PICALM: variants seen among roughly 807,000 people sequenced by gnomAD.
PICALM encodes the protein phosphatidylinositol-binding clathrin assembly protein.
A neutral mutation model predicts 80.5 loss-of-function variants in PICALM; 40 were observed. The observed-to-expected ratio is 0.50, with a 90% CI of 0.39 to 0.65. The LOEUF (loss-of-function observed/expected upper bound fraction) is 0.65, where lower values mean the gene tolerates loss of function less well. Ranked by LOEUF, PICALM falls within the 30% of genes least tolerant of loss-of-function variation. PICALM has a pLI of 0.00. For synonymous variants in PICALM, 288 were observed against 260.3 expected (o/e 1.11, Z -1.02); for missense variants, 676 against 778.9 (o/e 0.87, Z 1.57).
chr11:86,038,553 C>G (rs1237328446), intron 1 of PICALM, among the ~76,000 whole-genome samples: 1 of 151,346 alleles, frequency 6.6e-6, no homozygotes, highest in Non-Finnish European at 1.5e-5. Context: ...GAGACCGAGG[C>G]GGGTGGATCA....
chr11:85,968,481 G>A (rs1041663674), intron 19 of PICALM, among the ~76,000 whole-genome samples: 1 of 152,064 alleles, frequency 6.6e-6, no homozygotes, highest in African/African-American at 2.4e-5. Flanking sequence ...CACCCCCAAA[G>A]AGCTTCAAAA....
chr11:86,043,870 T>TA (rs1462617522), intron 1 of PICALM, among the ~76,000 whole-genome samples: 1 of 152,214 alleles, frequency 6.6e-6, no homozygotes, highest in African/African-American at 2.4e-5. Flanking sequence ...TCACAGGGAA[T>TA]AATGGATTGC....
At chr11:86,025,050 A>G (rs1340606252) in intron 3 of PICALM, among the ~76,000 whole-genome samples, 1 of 152,246 alleles carries the variant, frequency 6.6e-6, no homozygotes, top group Non-Finnish European at 1.5e-5. Context: ...AACAGATCCC[A>G]TTAAGACAAT....
At chr11:86,026,948 A>G (rs1180694524) in intron 2 of PICALM, among the ~76,000 whole-genome samples, 2 of 152,168 alleles carry the variant, frequency 1.3e-5, no homozygotes, top group Non-Finnish European at 2.9e-5. Flanking sequence ...GGTTTTCACC[A>G]TTTTACTAGA....
In PICALM at chr11:85,981,129, C is replaced by A; in HGVS notation, c.1779G>T (p.Met593Ile). ...APTTAWNAATMAPPVMAYPAT... is the reference protein window; with the variant it reads ...APTTAWNAATIAPPVMAYPAT... ...TCTATCAGGAGCTTTTTCAACTCAC[C>A]ATTGTTGCAGCATTCCAAGCGGTTG... Residue 593 changes from methionine to isoleucine, a missense_variant and splice_region_variant, in exon 17 of 20, where the codon ATG becomes ATT. Around this residue, in one of 2 missense-constraint regions of PICALM, gnomAD observed 391 missense variants for 383.6 expected, o/e 1.02. Transcript: ENST00000393346. 1.3e-6 allele frequency: 2 copies of A among 1,492,038 alleles called. No homozygotes were observed. The highest frequency in any genetic ancestry group is 1.9e-6 in the Non-Finnish European group (2 of 1,070,428). The allele number at this position is 1,492,038 out of a possible 1,614,324, so 92.4% of individuals were successfully genotyped here. A position where few individuals can be genotyped will look rare whatever the true frequency, so the allele number is the denominator to read the frequency against.
intron 1 of PICALM, among the ~76,000 whole-genome samples, chr11:86,058,587 C>CT (rs991024031): frequency 1.3e-5 from 2 of 152,204 alleles, no homozygotes; most frequent in Non-Finnish European, 2.9e-5. Flanking sequence ...CTGGAATCAA[C>CT]TTACTGATTA....
At chr11:86,006,755 A>G (rs2095285576) in intron 8 of PICALM, among the ~76,000 whole-genome samples, 1 of 152,264 alleles carries the variant, frequency 6.6e-6, no homozygotes, top group Non-Finnish European at 1.5e-5. Flanking sequence ...AGCTTATGCC[A>G]GGTACTTTCA....
intron 4 of PICALM, among the ~76,000 whole-genome samples, chr11:86,019,181 T>C (rs1023360585): frequency 2.0e-5 from 3 of 152,218 alleles, no homozygotes; most frequent in Admixed American, 2.0e-4. Flanking sequence ...ATGAGAGTCC[T>C]CTCCAAAAGG....
intron 10 of PICALM, 120 bp from the exon 11 acceptor site, chr11:86,000,899 T>C: frequency 6.7e-7 from 1 of 1,484,728 alleles, no homozygotes; most frequent in Non-Finnish European, 9.1e-7. Context: ...TAATTCTATG[T>C]CAGGACGAAA....
At chr11:85,969,575 G>C (rs2094029734) in intron 19 of PICALM, 1 of 289,388 alleles carries the variant, frequency 3.5e-6, no homozygotes, top group African/African-American at 2.3e-5. Flanking sequence ...AAATCTTTTG[G>C]TTTCGGCTAG....
intron 12 of PICALM, among the ~76,000 whole-genome samples, chr11:85,993,842 T>A (rs780664710): frequency 6.6e-6 from 1 of 152,006 alleles, no homozygotes; most frequent in African/African-American, 2.4e-5. Context: ...CGCCTTTAAG[T>A]CCTAAACAAC....
intron 1 of PICALM, among the ~76,000 whole-genome samples, chr11:86,050,100 G>A (rs1460853150): frequency 6.6e-6 from 1 of 150,514 alleles, no homozygotes; most frequent in Non-Finnish European, 1.5e-5. Flanking sequence ...AGCTACTCAG[G>A]AGGCTAAGGC....
At chr11:86,017,131 G>A (rs1415448149) in intron 4 of PICALM, among the ~76,000 whole-genome samples, 1 of 151,988 alleles carries the variant, frequency 6.6e-6, no homozygotes, top group Non-Finnish European at 1.5e-5. Flanking sequence ...GCTGAGGTGG[G>A]AGAATCGCTT....
At chr11:86,015,247 C>T (rs1236591979) in intron 4 of PICALM, among the ~76,000 whole-genome samples, 1 of 152,130 alleles carries the variant, frequency 6.6e-6, no homozygotes, top group Non-Finnish European at 1.5e-5. Context: ...AGGTCTATAG[C>T]TTGTATTTTC....
chr11:86,061,667 C>T (rs560026550), intron 1 of PICALM, among the ~76,000 whole-genome samples: 15 of 152,138 alleles, frequency 9.9e-5, no homozygotes, highest in Non-Finnish European at 1.9e-4. Context: ...TAAAATGGTA[C>T]CATCACTTTG....
chr11:85,988,042 T>C (rs1325366335), intron 13 of PICALM, among the ~76,000 whole-genome samples: 5 of 152,244 alleles, frequency 3.3e-5, no homozygotes, highest in African/African-American at 7.2e-5. Context: ...TGTCCAATTC[T>C]TGTAATCAAG....
At chr11:86,061,339 AAAAAAAAAAAAAAAAAG>A (rs2096361585) in intron 1 of PICALM, among the ~76,000 whole-genome samples, 1 of 48,068 alleles carries the variant, frequency 2.1e-5, no homozygotes, top group Non-Finnish European at 4.7e-5. Flanking sequence ...TCAAAAAAAA[AAAAAAAAAAAAAAAAAG>A]AAAAGAAAAG....
intron 1 of PICALM, among the ~76,000 whole-genome samples, chr11:86,065,769 A>T (rs1455908582): frequency 6.6e-6 from 1 of 152,194 alleles, no homozygotes; most frequent in African/African-American, 2.4e-5. Flanking sequence ...ACTAACACCT[A>T]CAGTATAAGC....
chr11:86,018,731 A>C (rs887883962), intron 4 of PICALM, among the ~76,000 whole-genome samples: 3 of 152,114 alleles, frequency 2.0e-5, no homozygotes, highest in Non-Finnish European at 4.4e-5. Flanking sequence ...TCTACTAAAA[A>C]TACAAAAATT....
Sources: gnomAD v4.1 joint callset for allele counts (sites outside exome capture counted in the v4.1 genomes callset) on GRCh38, gnomAD v4.1.1 for gene constraint, gnomAD v4.1.1 regional missense constraint, MANE v1.5 for transcripts, NCBI Gene and HGNC (gene_info 2026-07-23, HGNC 2026-07-21) for gene names.